Variants in GLS observed in about 807,000 individuals in gnomAD.
GLS encodes glutaminase.
GLS carries 36 observed loss-of-function variants against 86.7 expected under a neutral mutation model. The observed-to-expected ratio is 0.42, with a 90% CI of 0.32 to 0.55. GLS has a LOEUF of 0.55. Among genes scored for constraint, GLS ranks in the 20% least tolerant of loss-of-function variants. GLS has a pLI of 0.17. For synonymous variants in GLS, 317 were observed against 305.9 expected, an observed-to-expected ratio of 1.04 and a Z score of -0.38; for missense variants, 528 against 833.4, an observed-to-expected ratio of 0.63 and a Z score of 4.51.
Position 190,930,522 on chromosome 2 carries a change from C to A in GLS, c.1511C>A (p.Pro504His). The A allele has an allele frequency of 6.2e-7, 1 of 1,612,844 alleles. No individual in the cohort carries two copies. Among genetic ancestry groups the A allele is most frequent in the Non-Finnish European group, 8.5e-7 (1 of 1,179,028 alleles). Residue 504 changes from proline (P) to histidine (H), a missense_variant, in exon 13 of 18, where the codon CCT becomes CAT. By Grantham distance (77) the Pro-to-His change is moderately conservative. Coordinates refer to ENST00000320717, the MANE Select transcript of GLS (RefSeq NM_014905.5). This position sits in a 1 kb window ranked among gnomAD's most constrained non-coding sequence, Gnocchi z 5.0. ...ATGGGTATGATGTGCTGGTCTCCTCCTCTGGATAAGATGGGCAACAGTGTT... is the reference window on the plus strand; with the variant it reads ...ATGGGTATGATGTGCTGGTCTCCTCATCTGGATAAGATGGGCAACAGTGTT... Reference protein sequence around the residue: ...NVMGMMCWSPPLDKMGNSVKG... With the variant: ...NVMGMMCWSPHLDKMGNSVKG...
rs75280855 is a variant in GLS, at chr2:190,951,535, G to A, written c.1651-2030G>A. 2.0e-3 allele frequency among the ~76,000 whole-genome samples: 310 copies of A among 152,232 alleles called. 3 individuals are homozygous for A. The highest frequency in any genetic ancestry group is 0.013 in the Admixed American group (192 of 15,288). ...AGAACAGGGCATCTAGAGGATAAGTGTTTGAAGGAATAGATAAAAAGTAGT... is the reference window on the plus strand; with the variant it reads ...AGAACAGGGCATCTAGAGGATAAGTATTTGAAGGAATAGATAAAAAGTAGT... On this transcript the variant is annotated intron_variant, in intron 14 of 17. Transcript: ENST00000320717. This position sits in a 1 kb window ranked among gnomAD's most constrained non-coding sequence, Gnocchi z 4.2.
chr2:190,905,862 C>G lies in GLS; in HGVS notation c.979+695C>G, dbSNP rs1302824521. On this transcript the variant is annotated intron_variant, in intron 6 of 17. Coordinates refer to ENST00000320717, the MANE Select transcript of GLS (RefSeq NM_014905.5). The surrounding 1 kb of genome is among the most constrained non-coding windows in gnomAD (Gnocchi z 4.6). The stretch of plus-strand genomic sequence containing the variant: ...AATCTTCTAAGCATATGCTGTGTTT[C>G]TGATTGATGAGTTAAGATATAGAAT... 6.6e-6 allele frequency among the ~76,000 whole-genome samples: 1 copy of G among 152,002 alleles called. No homozygotes were observed. Among genetic ancestry groups the G allele is most frequent in the Non-Finnish European group, 1.5e-5 (1 of 67,942 alleles).
chr2:190,898,026 A>G (rs1259927445), intron 3 of GLS, among the ~76,000 whole-genome samples: 2 of 152,208 alleles, frequency 1.3e-5, no homozygotes, highest in Non-Finnish European at 2.9e-5. Context: ...AAATCTTAAC[A>G]CTAATACAAG....
rs1689847977 is a variant in GLS, at chr2:190,924,834, G to GA, written c.1248+243dup. The GA allele has an allele frequency of 2.7e-6, 1 of 375,048 alleles. No homozygotes were observed. The highest frequency in any genetic ancestry group is 5.4e-5 in the East Asian group (1 of 18,590). The allele number at this position is 375,048 out of a possible 1,614,324, so 23.2% of individuals were successfully genotyped here. Reference sequence around the variant, plus strand: ...TGAGGCTGAGGCAGGAGAATCCCTTGAACCTGGAAGGCCGAGGTTGCAGTG... The same window carrying GA: ...TGAGGCTGAGGCAGGAGAATCCCTTGAAACCTGGAAGGCCGAGGTTGCAGTG... On this transcript the variant is annotated intron_variant, in intron 11 of 17. Transcript: ENST00000320717. The surrounding 1 kb of genome is among the most constrained non-coding windows in gnomAD (Gnocchi z 5.2).
intron 1 of GLS, among the ~76,000 whole-genome samples, chr2:190,893,327 C>T (rs1322858345): frequency 6.6e-6 from 1 of 152,156 alleles, no homozygotes; most frequent in Non-Finnish European, 1.5e-5. Context: ...ATTGTGTAAC[C>T]TTGGAAAGCT....
At chr2:190,892,525 TA>T (rs969251937) in intron 1 of GLS, among the ~76,000 whole-genome samples, 2 of 152,158 alleles carry the variant, frequency 1.3e-5, no homozygotes, top group Non-Finnish European at 2.9e-5. Flanking sequence ...ACTATATAGT[TA>T]CCAAAAGCTA....
chr2:190,931,912 T>G (rs1446439031), intron 14 of GLS, among the ~76,000 whole-genome samples: 1 of 152,000 alleles, frequency 6.6e-6, no homozygotes, highest in South Asian at 2.1e-4. Flanking sequence ...GATTTCCCCT[T>G]CCATTTTCTG....
chr2:190,933,524 T>C, intron 14 of GLS: 1 of 934,154 alleles, frequency 1.1e-6, no homozygotes, highest in Non-Finnish European at 1.3e-6. Context: ...TCAGAGTTGT[T>C]ATATACAGGA....
Position 190,924,008 on chromosome 2 carries a change from C to A in GLS, c.1197+25C>A. The A allele has an allele frequency of 9.0e-7, 1 of 1,105,828 alleles. No individual in the cohort carries two copies. Among genetic ancestry groups the A allele is most frequent in the Non-Finnish European group, 1.4e-6 (1 of 737,082 alleles). The allele number at this position is 1,105,828 out of a possible 1,614,324, so 68.5% of individuals were successfully genotyped here. A position where few individuals can be genotyped will look rare whatever the true frequency, so the allele number is the denominator to read the frequency against. On this transcript the variant is annotated intron_variant, in intron 10 of 17. Coordinates refer to ENST00000320717, the MANE Select transcript of GLS (RefSeq NM_014905.5). This position sits in a 1 kb window ranked among gnomAD's most constrained non-coding sequence, Gnocchi z 5.2. The stretch of plus-strand genomic sequence containing the variant: ...GGTTTTTAAATTTTTGTTTCTATTT[C>A]AAATTATTCTTTCATTTAATAAAAT...
At chr2:190,888,189 C>A (rs1559314364) in intron 1 of GLS, among the ~76,000 whole-genome samples, 4 of 152,096 alleles carry the variant, frequency 2.6e-5, no homozygotes, top group Admixed American at 1.3e-4. Context: ...CTTCTAATAT[C>A]CTGATTCTGG....
chr2:190,909,094 T>C (rs937642059), intron 6 of GLS, among the ~76,000 whole-genome samples: 5 of 152,180 alleles, frequency 3.3e-5, no homozygotes, highest in Non-Finnish European at 7.4e-5. Flanking sequence ...GATAGGCAAA[T>C]CTTGATTGTA....
Position 190,965,331 on chromosome 2 carries a change from GC to G in GLS, c.*2346del, listed in dbSNP as rs1691096442. The stretch of plus-strand genomic sequence containing the variant: ...CTGGATTAGCTGTTGACCATTTGAT[GC>G]TGTTGTCTGTCTGGCAGGGACTGAA... On this transcript the variant is annotated 3_prime_UTR_variant, in exon 18 of 18. Coordinates refer to ENST00000320717, the MANE Select transcript of GLS (RefSeq NM_014905.5). The surrounding 1 kb of genome is among the most constrained non-coding windows in gnomAD (Gnocchi z 5.0). 3 of 152,582 alleles carry G rather than the reference GC, an allele frequency of 2.0e-5. No individual in the cohort carries two copies. The highest frequency in any genetic ancestry group is 4.1e-4 in the South Asian group (2 of 4,828). The allele number at this position is 152,582 out of a possible 1,614,324, so 9.5% of individuals were successfully genotyped here.
chr2:190,886,909 CTT>C (rs1413578460), intron 1 of GLS, among the ~76,000 whole-genome samples: 1 of 87,836 alleles, frequency 1.1e-5, no homozygotes, highest in African/African-American at 4.4e-5. Flanking sequence ...GAGCGAGACT[CTT>C]GTCTCAAAAA....
Position 190,905,303 on chromosome 2 carries a change from T to C in GLS, c.979+136T>C, listed in dbSNP as rs1172233444. ...TTCTATATAATCCATTGAGAGAGTT[T>C]CATCACCTACTTTTAAAAATGATTA... On this transcript the variant is annotated intron_variant, in intron 6 of 17. Transcript: ENST00000320717. This position sits in a 1 kb window ranked among gnomAD's most constrained non-coding sequence, Gnocchi z 4.6. 1 of 594,372 alleles carries C rather than the reference T, an allele frequency of 1.7e-6. No homozygotes were observed. The highest frequency in any genetic ancestry group is 1.9e-5 in the African/African-American group (1 of 53,180). 36.8% of individuals were successfully genotyped at this position (594,372 alleles called of 1,614,324 possible). A position where few individuals can be genotyped will look rare whatever the true frequency, so the allele number is the denominator to read the frequency against.
rs111497319 is a variant in GLS at position 190,962,251 on chromosome 2, C to T, written c.1854-579C>T. Among the ~76,000 whole-genome samples the T allele has an allele frequency of 2.2e-4, 34 of 152,236 alleles. No individual in the cohort carries two copies. The highest frequency in any genetic ancestry group is 7.9e-4 in the African/African-American group (33 of 41,532). Reference sequence around the variant, plus strand: ...GAGTTACTCTTCTGGTGTAGTGGTCCGATTGAGTCCATGGCTTCCCAGCCT... The same window carrying T: ...GAGTTACTCTTCTGGTGTAGTGGTCTGATTGAGTCCATGGCTTCCCAGCCT... On this transcript the variant is annotated intron_variant, in intron 17 of 17. Coordinates refer to ENST00000320717, the MANE Select transcript of GLS (RefSeq NM_014905.5). The surrounding 1 kb of genome is among the most constrained non-coding windows in gnomAD (Gnocchi z 4.2).
At position 190,962,094 on chromosome 2, in the gene GLS, T is replaced by TACCACTTCTGGCAAGTGATTA. The variant is rs1318958984; in HGVS notation, c.1854-721_1854-701dup. Among the ~76,000 whole-genome samples, 1 of 152,030 alleles carries TACCACTTCTGGCAAGTGATTA rather than the reference T, an allele frequency of 6.6e-6. No homozygotes were observed. The highest frequency in any genetic ancestry group is 1.5e-5 in the Non-Finnish European group (1 of 68,038). ...GTTCTGTCTCCTCTTGCAAAAGACT[T>TACCACTTCTGGCAAGTGATTA]ACCACTTCTGGCAAGTGATTAACCA... On this transcript the variant is annotated intron_variant, in intron 17 of 17. Coordinates refer to ENST00000320717, the MANE Select transcript of GLS (RefSeq NM_014905.5). This position sits in a 1 kb window ranked among gnomAD's most constrained non-coding sequence, Gnocchi z 4.2.
Position 190,953,498 on chromosome 2 carries a change from A to G in GLS, c.1651-67A>G. 1 of 1,030,592 alleles carries G rather than the reference A, an allele frequency of 9.7e-7. No homozygotes were observed. Among genetic ancestry groups the G allele is most frequent in the South Asian group, 1.3e-5 (1 of 78,702 alleles). The allele number at this position is 1,030,592 out of a possible 1,614,324, so 63.8% of individuals were successfully genotyped here. On this transcript the variant is annotated intron_variant, in intron 14 of 17. Transcript: ENST00000320717. The surrounding 1 kb of genome is among the most constrained non-coding windows in gnomAD (Gnocchi z 4.0). The stretch of plus-strand genomic sequence containing the variant: ...TCAAAGCACATGGAAATCACTTGCC[A>G]GTGACAGGTGGACGTTGTATGTGTT...
At chr2:190,882,330 C>G (rs1688230970) in intron 1 of GLS, among the ~76,000 whole-genome samples, 1 of 152,152 alleles carries the variant, frequency 6.6e-6, no homozygotes, top group Admixed American at 6.5e-5. Flanking sequence ...GTGTACGGCA[C>G]AGTAGTTTAG....
chr2:190,907,682 CCA>C (rs1332935489), intron 6 of GLS, among the ~76,000 whole-genome samples: 1 of 152,066 alleles, frequency 6.6e-6, no homozygotes. Context: ...CTACCATCTC[CCA>C]GGGAAGTCTT....
Sources: allele counts gnomAD v4.1 joint callset (sites outside exome capture counted in the v4.1 genomes callset), GRCh38; gene constraint gnomAD v4.1.1; non-coding constraint Gnocchi (gnomAD v3.1); transcripts MANE v1.5; gene names NCBI Gene and HGNC (gene_info 2026-07-23, HGNC 2026-07-21).